Variants in RMDN2 observed in about 807,000 individuals in gnomAD.
RMDN2 encodes the protein regulator of microtubule dynamics 2.
In RMDN2, 61 loss-of-function variants were observed where a neutral mutation model predicts 52.8. The ratio of observed to expected loss-of-function variants is 1.16; its 90% CI spans 0.94 to 1.43. The LOEUF (loss-of-function observed/expected upper bound fraction) is 1.43. Among genes scored for constraint, RMDN2 ranks in the 40% most tolerant of loss-of-function variants. The pLI is 0.00. For missense variants in RMDN2, 592 were observed against 475.3 expected (o/e 1.25, Z -2.28); for synonymous variants, 180 against 153.1 (o/e 1.18, Z -1.30).
intron 8 of RMDN2, among the ~76,000 whole-genome samples, chr2:37,999,261 G>A (rs901997555): frequency 2.6e-5 from 4 of 151,996 alleles, no homozygotes; most frequent in African/African-American, 4.8e-5. Context: ...TTAACACTGC[G>A]CAAATTGCTT....
chr2:37,933,239 C>T (rs1483301873), intron 2 of RMDN2, among the ~76,000 whole-genome samples: 3 of 151,894 alleles, frequency 2.0e-5, no homozygotes, highest in Admixed American at 6.5e-5. Flanking sequence ...GCGCTCCTCA[C>T]TTCCTAGATG....
intron 5 of RMDN2, among the ~76,000 whole-genome samples, chr2:37,987,755 G>A (rs893987934): frequency 5.9e-5 from 9 of 152,142 alleles, no homozygotes; most frequent in Admixed American, 2.0e-4. Flanking sequence ...TGTGAAGTGG[G>A]ATGTTAATAG....
intron 2 of RMDN2, among the ~76,000 whole-genome samples, chr2:37,933,230 C>T (rs1377805848): frequency 1.3e-5 from 2 of 151,376 alleles, no homozygotes; most frequent in South Asian, 2.1e-4. Flanking sequence ...CGGGAAGAGG[C>T]GCTCCTCACT....
chr2:38,059,967 G>A lies in RMDN2; in HGVS notation c.1714-7015G>A, dbSNP rs540870442. On this transcript the variant is annotated intron_variant, in intron 10 of 10. Transcript: ENST00000234195. ...GGCTGGAGTGCAGTGACTCGATCTC[G>A]GCTCACTGCAACCTCCGCCTCTCAG... Among the ~76,000 whole-genome samples the A allele has an allele frequency of 1.2e-3, 187 of 152,134 alleles. 1 individual carries two copies. Among genetic ancestry groups the A allele is most frequent in the Middle Eastern group, 3.4e-3 (1 of 294 alleles).
chr2:37,965,594 A>G (rs1480228294), intron 2 of RMDN2, among the ~76,000 whole-genome samples: 5 of 152,170 alleles, frequency 3.3e-5, no homozygotes, highest in African/African-American at 1.2e-4. Flanking sequence ...ATATAGATTC[A>G]TAATTACTTT....
At chr2:37,927,408 A>G (rs1235292866) in intron 1 of RMDN2, among the ~76,000 whole-genome samples, 1 of 152,212 alleles carries the variant, frequency 6.6e-6, no homozygotes, top group Non-Finnish European at 1.5e-5. Flanking sequence ...CATGGAAGAG[A>G]TGATTTGGAA....
At chr2:38,012,353 T>C (rs959181228) in intron 10 of RMDN2, among the ~76,000 whole-genome samples, 4 of 152,196 alleles carry the variant, frequency 2.6e-5, no homozygotes, top group African/African-American at 9.7e-5. Flanking sequence ...TCCATGAAAG[T>C]AACAACCAGG....
At chr2:38,035,805 G>C (rs2125280916) in intron 10 of RMDN2, 1 of 152,256 alleles carries the variant, frequency 6.6e-6, no homozygotes, top group Non-Finnish European at 1.5e-5. Flanking sequence ...ATAGCACCAT[G>C]ATGTCCACAA....
chr2:38,039,133 T>G (rs145088610), intron 10 of RMDN2, among the ~76,000 whole-genome samples: 1 of 151,878 alleles, frequency 6.6e-6, no homozygotes, highest in African/African-American at 2.4e-5. Context: ...AGATTATATA[T>G]TCATATAATT....
chr2:38,000,468 C>T (rs1028122966), intron 8 of RMDN2, among the ~76,000 whole-genome samples: 2 of 152,198 alleles, frequency 1.3e-5, no homozygotes, highest in African/African-American at 4.8e-5. Context: ...TTTTCATCAT[C>T]CTAGAGAGTT....
intron 8 of RMDN2, among the ~76,000 whole-genome samples, chr2:37,999,017 T>G (rs936757556): frequency 2.0e-5 from 3 of 152,212 alleles, no homozygotes; most frequent in African/African-American, 7.2e-5. Flanking sequence ...GATGCCACAT[T>G]AACTAGCAAA....
chr2:38,062,426 G>C (rs1266850224), intron 10 of RMDN2, among the ~76,000 whole-genome samples: 3 of 152,190 alleles, frequency 2.0e-5, no homozygotes, highest in Non-Finnish European at 4.4e-5. Context: ...TTACCGAGTA[G>C]TATTCCATTG....
chr2:38,013,932 C>A (rs1022039319), intron 10 of RMDN2, among the ~76,000 whole-genome samples: 1 of 152,212 alleles, frequency 6.6e-6, no homozygotes, highest in Non-Finnish European at 1.5e-5. Context: ...GGCAGCCGGG[C>A]GTCGTGGCTC....
chr2:37,987,366 A>C (rs1446158831), intron 5 of RMDN2, among the ~76,000 whole-genome samples: 1 of 152,176 alleles, frequency 6.6e-6, no homozygotes, highest in Non-Finnish European at 1.5e-5. Context: ...CTAAACAGAA[A>C]TGAGCTATCA....
intron 10 of RMDN2, among the ~76,000 whole-genome samples, chr2:38,041,762 A>T (rs1268157639): frequency 1.3e-5 from 2 of 152,168 alleles, no homozygotes; most frequent in Non-Finnish European, 2.9e-5. Flanking sequence ...ATTAATTTTC[A>T]AATGTAGATT....
chr2:37,985,629 A>G (rs1673905563), intron 5 of RMDN2, among the ~76,000 whole-genome samples: 1 of 152,130 alleles, frequency 6.6e-6, no homozygotes, highest in Admixed American at 6.5e-5. Flanking sequence ...GTGTTCAGTA[A>G]TTTTGTTGGT....
chr2:38,056,028 T>C (rs1681844350), intron 10 of RMDN2, among the ~76,000 whole-genome samples: 1 of 152,130 alleles, frequency 6.6e-6, no homozygotes, highest in South Asian at 2.1e-4. Flanking sequence ...ACACACTGCA[T>C]GCAAACACAT....
intron 10 of RMDN2, among the ~76,000 whole-genome samples, chr2:38,062,329 C>T (rs1682087114): frequency 6.6e-6 from 1 of 152,174 alleles, no homozygotes; most frequent in Non-Finnish European, 1.5e-5. Context: ...CAGTGTGTAA[C>T]CTTTTGAAGC....
intron 2 of RMDN2, among the ~76,000 whole-genome samples, chr2:37,954,150 C>T (rs1414399884): frequency 6.6e-6 from 1 of 151,702 alleles, no homozygotes; most frequent in Non-Finnish European, 1.5e-5. Flanking sequence ...GTGTGGGTTG[C>T]CTTTTTACTC....
Sources: allele counts gnomAD v4.1 joint callset (sites outside exome capture counted in the v4.1 genomes callset), GRCh38; gene constraint gnomAD v4.1.1; transcripts MANE v1.5; gene names NCBI Gene and HGNC (gene_info 2026-07-23, HGNC 2026-07-21).